ZSWIM6: variants seen among roughly 807,000 people sequenced by gnomAD.
ZSWIM6 encodes the protein zinc finger SWIM domain-containing protein 6.
ZSWIM6 carries 9 observed loss-of-function variants against 113.2 expected under a neutral mutation model. The observed-to-expected ratio is 0.08, with a 90% CI of 0.05 to 0.14. The LOEUF (loss-of-function observed/expected upper bound fraction) is 0.14, where lower values mean the gene tolerates loss of function less well. ZSWIM6 is among the 10% of genes least tolerant of loss of function. The pLI is 1.00. For missense variants in ZSWIM6, 1,162 were observed against 1,552.2 expected, an observed-to-expected ratio of 0.75 and a Z score of 4.22; for synonymous variants, 611 against 606.5, an observed-to-expected ratio of 1.01 and a Z score of -0.11.
chr5:61,511,968 T>TA (rs1228403033), intron 4 of ZSWIM6, among the ~76,000 whole-genome samples: 3 of 152,166 alleles, frequency 2.0e-5, no homozygotes, highest in Admixed American at 1.3e-4. Flanking sequence ...GTACAAGTCT[T>TA]ACTATACTAT....
At chr5:61,464,513 A>C (rs982161675) in intron 1 of ZSWIM6, among the ~76,000 whole-genome samples, 1 of 151,986 alleles carries the variant, frequency 6.6e-6, no homozygotes, top group Non-Finnish European at 1.5e-5. Context: ...GCTTTGCAGG[A>C]TGGTTGTGAG....
intron 1 of ZSWIM6, among the ~76,000 whole-genome samples, chr5:61,387,793 C>T (rs1402683207): frequency 6.6e-6 from 1 of 151,510 alleles, no homozygotes; most frequent in African/African-American, 2.4e-5. Context: ...TCCCTGTAAT[C>T]CCAGCTACTC....
rs1284109888 is a variant in ZSWIM6, at chr5:61,543,851, A to G, written c.3182A>G (p.Tyr1061Cys). ...GCCATGACCCATCTCAACCTGAGCT[A>G]CAATCAGGACACACACCCTGCCATT... Reference protein sequence around the residue: ...TLAMTHLNLSYNQDTHPAIND... With the variant: ...TLAMTHLNLSCNQDTHPAIND... The change falls in exon 14 of 14, where the codon TAC (tyrosine) becomes TGC (cysteine). Residue 1061 changes from tyrosine (Y) to cysteine (C), a missense_variant. Physicochemically the swap from Tyr to Cys is radical, Grantham distance 194. Around this residue, in one of 4 missense-constraint regions of ZSWIM6, gnomAD observed 113 missense variants for 213.8 expected, o/e 0.53. Coordinates refer to ENST00000252744, the MANE Select transcript of ZSWIM6 (RefSeq NM_020928.2). The surrounding 1 kb of genome is among the most constrained non-coding windows in gnomAD (Gnocchi z 4.3). 1 of 1,551,766 alleles carries G rather than the reference A, an allele frequency of 6.4e-7. No individual in the cohort carries two copies. The highest frequency in any genetic ancestry group is 8.7e-7 in the Non-Finnish European group (1 of 1,147,028).
chr5:61,526,062 T>C (rs1749271863), intron 6 of ZSWIM6, 86 bp downstream of exon 6: 1 of 1,482,924 alleles, frequency 6.7e-7, no homozygotes, highest in Admixed American at 2.1e-5. Flanking sequence ...GGTGGAGAAC[T>C]GAAGGATTCA....
At chr5:61,363,886 T>A (rs1399553142) in intron 1 of ZSWIM6, among the ~76,000 whole-genome samples, 2 of 148,340 alleles carry the variant, frequency 1.3e-5, no homozygotes, top group Non-Finnish European at 3.0e-5. Context: ...CCTTCCTTCC[T>A]TCCCTCCTTC....
At chr5:61,476,463 T>C (rs2112190732) in intron 2 of ZSWIM6, among the ~76,000 whole-genome samples, 1 of 152,334 alleles carries the variant, frequency 6.6e-6, no homozygotes, top group African/African-American at 2.4e-5. Flanking sequence ...AACATTTCAA[T>C]ATGTTTTCAT....
intron 4 of ZSWIM6, among the ~76,000 whole-genome samples, chr5:61,504,974 A>G (rs1748562569): frequency 1.3e-5 from 2 of 152,348 alleles, no homozygotes; most frequent in African/African-American, 4.8e-5. Context: ...CAAGGTTAAT[A>G]TAACGTAGGA....
intron 1 of ZSWIM6, among the ~76,000 whole-genome samples, chr5:61,420,650 A>G (rs1308046302): frequency 6.6e-6 from 1 of 152,170 alleles, no homozygotes; most frequent in Non-Finnish European, 1.5e-5. Flanking sequence ...ATAATTGATT[A>G]TAATGATGAT....
intron 4 of ZSWIM6, among the ~76,000 whole-genome samples, chr5:61,499,637 A>G (rs139594509): frequency 7.2e-5 from 11 of 152,234 alleles, no homozygotes; most frequent in African/African-American, 2.4e-4. Context: ...CAGTGTGAAT[A>G]CTCCAGAAAA....
intron 4 of ZSWIM6, among the ~76,000 whole-genome samples, chr5:61,515,864 G>A (rs1214714067): frequency 2.6e-5 from 4 of 151,900 alleles, no homozygotes; most frequent in Non-Finnish European, 4.4e-5. Flanking sequence ...GAGTCATCTG[G>A]GATTATGTCT....
At chr5:61,383,934 A>G (rs1745539002) in intron 1 of ZSWIM6, among the ~76,000 whole-genome samples, 1 of 151,812 alleles carries the variant, frequency 6.6e-6, no homozygotes, top group African/African-American at 2.4e-5. Flanking sequence ...ACTTATGCTA[A>G]CATCAGTAAT....
intron 1 of ZSWIM6, among the ~76,000 whole-genome samples, chr5:61,449,913 G>A (rs917064371): frequency 1.3e-5 from 2 of 152,194 alleles, no homozygotes; most frequent in South Asian, 2.1e-4. Context: ...ATGACTGAAT[G>A]TATGAATAAT....
chr5:61,337,131 A>G (rs1347081025), intron 1 of ZSWIM6, among the ~76,000 whole-genome samples: 2 of 152,086 alleles, frequency 1.3e-5, no homozygotes, highest in Non-Finnish European at 2.9e-5. Flanking sequence ...AAATACAAAA[A>G]TTAGCCAGAG....
rs144867894 is a variant in ZSWIM6, at chr5:61,540,824, G to A, written c.2704-1060G>A. 4.6e-3 allele frequency among the ~76,000 whole-genome samples: 690 copies of A among 151,148 alleles called. 6 individuals carry two copies. The highest frequency in any genetic ancestry group is 0.016 in the African/African-American group (642 of 41,134). ...ACTCATTCTTTCTAGAACCTAAGAA[G>A]GAATCTCACAGGCCCTTTGTGAGTA... On this transcript the variant is annotated intron_variant, in intron 12 of 13. Coordinates refer to ENST00000252744, the MANE Select transcript of ZSWIM6 (RefSeq NM_020928.2).
rs1049380838 is a variant in ZSWIM6 at position 61,355,682 on chromosome 5, A to G, written c.676+22734A>G. On this transcript the variant is annotated intron_variant, in intron 1 of 13. Transcript: ENST00000252744. ...TAAAGAGACTGGCAAATTTTAATTC[A>G]TCTATAATTTTGCTGTCTGATGTGG... 5.9e-5 allele frequency among the ~76,000 whole-genome samples: 9 copies of G among 152,318 alleles called. No individual in the cohort carries two copies. The East Asian group carries it at 9.6e-4, about 16-fold the overall frequency.
intron 1 of ZSWIM6, among the ~76,000 whole-genome samples, chr5:61,423,397 A>G (rs1044875421): frequency 4.0e-5 from 6 of 151,614 alleles, no homozygotes; most frequent in Admixed American, 3.9e-4. Flanking sequence ...ATCAAGAGTG[A>G]AACTCCATCT....
chr5:61,422,868 A>AT lies in ZSWIM6; in HGVS notation c.677-49812dup, dbSNP rs552657607. Among the ~76,000 whole-genome samples the AT allele has an allele frequency of 4.3e-4, 65 of 152,302 alleles. No homozygotes were observed. In the East Asian group the frequency reaches 0.01, roughly 24 times the overall value. ...ATTTTTCAGATTGTTTGCTGTTGGCATATAAAAATGCTACTGATTTTTGTA... is the reference window on the plus strand; with the variant it reads ...ATTTTTCAGATTGTTTGCTGTTGGCATTATAAAAATGCTACTGATTTTTGTA... On this transcript the variant is annotated intron_variant, in intron 1 of 13. Coordinates refer to ENST00000252744, the MANE Select transcript of ZSWIM6 (RefSeq NM_020928.2).
chr5:61,544,104 G>A lies in ZSWIM6; in HGVS notation c.3435G>A (p.Thr1145=), dbSNP rs757904829. ...CCTTGAGGCAACTCTTGGATGCCAC[G>A]ATCGGGGCCTACATCAACACAACGC... ...KAPLRQLLDA[T]IGAYINTTHS... The change falls in exon 14 of 14, where the codon ACG becomes ACA. Residue 1145 remains threonine (T), a synonymous_variant. Coordinates refer to ENST00000252744, the MANE Select transcript of ZSWIM6 (RefSeq NM_020928.2). 21 of 1,551,732 alleles carry A rather than the reference G, an allele frequency of 1.4e-5. No individual in the cohort carries two copies. The highest frequency in any genetic ancestry group is 9.8e-5 in the East Asian group (4 of 40,920).
intron 1 of ZSWIM6, chr5:61,375,068 G>A (rs1173529780): frequency 2.3e-5 from 36 of 1,561,946 alleles, no homozygotes; most frequent in Non-Finnish European, 3.2e-5. Context: ...AGTCTCTCCG[G>A]CCCGGTTTCC....
Sources: allele counts gnomAD v4.1 joint callset (sites outside exome capture counted in the v4.1 genomes callset), GRCh38; gene constraint gnomAD v4.1.1; regional missense constraint gnomAD v4.1.1; non-coding constraint Gnocchi (gnomAD v3.1); transcripts MANE v1.5; gene names NCBI Gene and HGNC (gene_info 2026-07-23, HGNC 2026-07-21).